The following PRKCH variants were observed in gnomAD, a reference collection of about 807,000 sequenced individuals.
The protein encoded by PRKCH is protein kinase C eta type.
PRKCH carries 28 observed loss-of-function variants against 82.5 expected under a neutral mutation model. That is an observed-to-expected ratio of 0.34 (90% CI 0.25 to 0.47). The LOEUF is 0.47. Among genes scored for constraint, PRKCH ranks in the 20% least tolerant of loss-of-function variants. PRKCH has a pLI of 1.00. For synonymous variants in PRKCH, 322 were observed against 327.4 expected (o/e 0.98, Z 0.18); for missense variants, 705 against 881.8 (o/e 0.80, Z 2.54).
chr14:61,366,035 A>G (rs2140167016), intron 1 of PRKCH, among the ~76,000 whole-genome samples: 1 of 152,164 alleles, frequency 6.6e-6, no homozygotes, highest in East Asian at 1.9e-4. Context: ...CTTATGCCTT[A>G]CCTTGTGCCT....
At chr14:61,388,726 T>C (rs2046628324) in intron 1 of PRKCH, among the ~76,000 whole-genome samples, 1 of 152,204 alleles carries the variant, frequency 6.6e-6, no homozygotes, top group Non-Finnish European at 1.5e-5. Flanking sequence ...TTTAGTCATC[T>C]CTCTAGAGAG....
rs114545186 is a variant in PRKCH, at chr14:61,527,172, A to G, written c.1434-1903A>G. Among the ~76,000 whole-genome samples, 1,378 of 151,836 alleles carry G rather than the reference A, an allele frequency of 9.1e-3. 22 individuals carry two copies. Among genetic ancestry groups the G allele is most frequent in the African/African-American group, 0.032 (1,323 of 41,346 alleles). Reference sequence around the variant, plus strand: ...GGCCATGTTCCTGCCGACCTTGAGGACTCTTTACCAAACAATCCTGCTGCT... The same window carrying G: ...GGCCATGTTCCTGCCGACCTTGAGGGCTCTTTACCAAACAATCCTGCTGCT... On this transcript the variant is annotated intron_variant, in intron 10 of 13. Transcript: ENST00000332981.
chr14:61,251,170 G>A (rs907084232), intron 1 of PRKCH, among the ~76,000 whole-genome samples: 2 of 152,072 alleles, frequency 1.3e-5, no homozygotes, highest in Admixed American at 1.3e-4. Flanking sequence ...AAGGAAAATG[G>A]GTATCCATCC....
intron 1 of PRKCH, among the ~76,000 whole-genome samples, chr14:61,287,639 G>A (rs1330667286): frequency 1.3e-5 from 2 of 152,118 alleles, no homozygotes; most frequent in Non-Finnish European, 2.9e-5. Flanking sequence ...TAACCTGGGA[G>A]GTGGAGGTTT....
intron 2 of PRKCH, among the ~76,000 whole-genome samples, chr14:61,422,531 T>G (rs1242718811): frequency 6.6e-6 from 1 of 152,198 alleles, no homozygotes; most frequent in Non-Finnish European, 1.5e-5. Context: ...TCTAGTACTC[T>G]GCTGCTTAGG....
intron 9 of PRKCH, among the ~76,000 whole-genome samples, chr14:61,472,215 C>T (rs1885537789): frequency 6.6e-6 from 1 of 152,182 alleles, no homozygotes; most frequent in African/African-American, 2.4e-5. Context: ...ATCCAGGGAG[C>T]AAAAGATTAG....
intron 4 of PRKCH, among the ~76,000 whole-genome samples, chr14:61,447,809 G>A (rs1884298328): frequency 6.6e-6 from 1 of 152,180 alleles, no homozygotes; most frequent in Non-Finnish European, 1.5e-5. Flanking sequence ...AGATGGGAAT[G>A]TATATATCAT....
At chr14:61,467,803 G>A (rs1304653878) in intron 9 of PRKCH, among the ~76,000 whole-genome samples, 2 of 152,180 alleles carry the variant, frequency 1.3e-5, no homozygotes, top group African/African-American at 4.8e-5. Flanking sequence ...CATTACCAAT[G>A]TCTATGAAAC....
chr14:61,287,466 T>A (rs2045325516), intron 1 of PRKCH, among the ~76,000 whole-genome samples: 1 of 151,830 alleles, frequency 6.6e-6, no homozygotes. Flanking sequence ...ATCCCAGCGC[T>A]TTGAGAGGCC....
chr14:61,229,789 C>G (rs2044726415), intron 1 of PRKCH, among the ~76,000 whole-genome samples: 1 of 152,162 alleles, frequency 6.6e-6, no homozygotes, highest in Non-Finnish European at 1.5e-5. Flanking sequence ...GGGCTCTATT[C>G]CTTCTTCCAG....
intron 10 of PRKCH, among the ~76,000 whole-genome samples, chr14:61,515,424 C>T (rs539776334): frequency 6.6e-6 from 1 of 152,316 alleles, no homozygotes; most frequent in African/African-American, 2.4e-5. Context: ...TGGCGTTTGA[C>T]AGTCTAGGAT....
intron 2 of PRKCH, among the ~76,000 whole-genome samples, chr14:61,438,684 C>T (rs1430262962): frequency 6.6e-6 from 1 of 152,056 alleles, no homozygotes; most frequent in Admixed American, 6.6e-5. Flanking sequence ...CCACAGAAGC[C>T]TCACATGACC....
intron 2 of PRKCH, among the ~76,000 whole-genome samples, chr14:61,398,356 C>T (rs2046815269): frequency 6.6e-6 from 1 of 152,094 alleles, no homozygotes. Context: ...AAACTAAATT[C>T]ATAACTGCTT....
chr14:61,387,484 G>A (rs1320702294), intron 1 of PRKCH, among the ~76,000 whole-genome samples: 1 of 152,202 alleles, frequency 6.6e-6, no homozygotes, highest in East Asian at 1.9e-4. Flanking sequence ...CGAAACTAAG[G>A]TAAATGAGTG....
intron 10 of PRKCH, among the ~76,000 whole-genome samples, chr14:61,488,731 T>G (rs900555958): frequency 6.6e-6 from 1 of 152,240 alleles, no homozygotes; most frequent in Admixed American, 6.5e-5. Flanking sequence ...CTTTCCTTCA[T>G]TGGATATTAC....
chr14:61,188,280 G>A (rs1176544695), intron 1 of PRKCH, among the ~76,000 whole-genome samples: 2 of 152,160 alleles, frequency 1.3e-5, no homozygotes, highest in African/African-American at 4.8e-5. Flanking sequence ...GAGGGGAGGC[G>A]GCCCAACTTT....
chr14:61,236,726 A>AAAAAAAAAAAAAAAAAAG (rs1566790085), intron 1 of PRKCH, among the ~76,000 whole-genome samples: 1 of 147,056 alleles, frequency 6.8e-6, no homozygotes, highest in African/African-American at 2.5e-5. Context: ...AAAAAAAAAA[A>AAAAAAAAAAAAAAAAAAG]AAAAAGAAAA....
intron 1 of PRKCH, among the ~76,000 whole-genome samples, chr14:61,333,495 G>A (rs186175887): frequency 9.2e-5 from 14 of 152,224 alleles, no homozygotes; most frequent in African/African-American, 3.4e-4. Flanking sequence ...ATTAATTATA[G>A]AAAATAGTTA....
At chr14:61,196,694 T>G (rs749527088) in intron 1 of PRKCH, among the ~76,000 whole-genome samples, 6 of 152,200 alleles carry the variant, frequency 3.9e-5, no homozygotes, top group Non-Finnish European at 7.3e-5. Flanking sequence ...AACTGGAGAA[T>G]TCTGACCAGT....
Sources: gnomAD v4.1 joint callset for allele counts (sites outside exome capture counted in the v4.1 genomes callset) on GRCh38, gnomAD v4.1.1 for gene constraint, MANE v1.5 for transcripts, NCBI Gene and HGNC (gene_info 2026-07-23, HGNC 2026-07-21) for gene names.